HPF1: variants seen among roughly 807,000 people sequenced by gnomAD.
HPF1 encodes the protein histone PARylation factor 1.
Under a neutral mutation model 38.8 loss-of-function variants are expected in HPF1, and 35 were observed. The observed-to-expected ratio is 0.90, with a 90% CI of 0.69 to 1.19. The LOEUF is 1.19. Among genes scored for constraint, HPF1 ranks in the 50% most tolerant of loss-of-function variants. The probability of loss-of-function intolerance (pLI) is 0.00; values close to 1 mark genes in which losing one functional copy is unlikely to be tolerated. For missense variants in HPF1, 367 were observed against 405.8 expected, an observed-to-expected ratio of 0.90 and a Z score of 0.82; for synonymous variants, 115 against 139.2, an observed-to-expected ratio of 0.83 and a Z score of 1.22.
chr4:169,736,650 G>A (rs1416470723), intron 6 of HPF1, among the ~76,000 whole-genome samples: 1 of 152,204 alleles, frequency 6.6e-6, no homozygotes, highest in African/African-American at 2.4e-5. Flanking sequence ...CCAGAGACTG[G>A]TAACTACCAA....
chr4:169,742,608 A>T (rs10012711), intron 4 of HPF1, among the ~76,000 whole-genome samples: 38,643 of 151,926 alleles, frequency 0.25, 5,952 homozygotes, highest in African/African-American at 0.43. Flanking sequence ...CTGGCTAACA[A>T]GGTGAAACCC....
chr4:169,748,954 A>G (rs878862792), intron 3 of HPF1, 112 bp from the exon 4 acceptor site: 20 of 539,240 alleles, frequency 3.7e-5, no homozygotes, highest in Admixed American at 1.1e-4. Flanking sequence ...TCCTTTTTGG[A>G]GGCCTTTTTT....
intron 3 of HPF1, 118 bp downstream of exon 3, chr4:169,750,418 A>C (rs1734102127): frequency 2.9e-6 from 2 of 697,696 alleles, no homozygotes; most frequent in Admixed American, 2.7e-5. Context: ...CAGATGGCTC[A>C]TATATCCACC....
chr4:169,739,541 A>G (rs1387828079), intron 5 of HPF1, among the ~76,000 whole-genome samples: 2 of 152,144 alleles, frequency 1.3e-5, no homozygotes, highest in African/African-American at 4.8e-5. Flanking sequence ...AACTAAAAAG[A>G]CTAAAGAAAA....
chr4:169,731,677 T>TAG (rs1733830686), intron 7 of HPF1, 27 bp downstream of exon 7: 1 of 1,491,030 alleles, frequency 6.7e-7, no homozygotes, highest in Non-Finnish European at 8.9e-7. Flanking sequence ...TGGCAGTGGG[T>TAG]AGAAGGTGGA....
Position 169,753,738 on chromosome 4 carries a change from A to G in HPF1, c.146T>C (p.Leu49Ser). 1 of 1,613,262 alleles carries G rather than the reference A, an allele frequency of 6.2e-7. No individual in the cohort carries two copies. The highest frequency in any genetic ancestry group is 8.5e-7 in the Non-Finnish European group (1 of 1,179,620). ...CCAGAAGTGATAGAAATCTTCAGGT[A>G]AAGAAAGCTTATAATGATTTTCTAC... is the stretch of plus-strand genomic sequence containing the variant. The part of the protein sequence containing the change: ...KEVENHYKLS[L>S]PEDFYHFWKF... The change falls in exon 2 of 8, where the codon TTA becomes TCA. Residue 49 changes from leucine (L) to serine (S), a missense_variant. Transcript: ENST00000393381.
At chr4:169,741,772 G>GTTC (rs1733971701) in intron 5 of HPF1, among the ~76,000 whole-genome samples, 185 bp downstream of exon 5, 5 of 152,132 alleles carry the variant, frequency 3.3e-5, no homozygotes, top group Non-Finnish European at 7.3e-5. Flanking sequence ...CAACCCAAAG[G>GTTC]AGCCATCTGA....
At chr4:169,738,037 C>A (rs932464791) in intron 5 of HPF1, among the ~76,000 whole-genome samples, 2 of 152,114 alleles carry the variant, frequency 1.3e-5, no homozygotes, top group African/African-American at 4.8e-5. Flanking sequence ...CCCAATACAT[C>A]CTAGAAGGCA....
At chr4:169,757,357 T>G (rs186026119) in intron 1 of HPF1, among the ~76,000 whole-genome samples, 1 of 152,314 alleles carries the variant, frequency 6.6e-6, no homozygotes, top group East Asian at 1.9e-4. Flanking sequence ...ACTTGTTAAA[T>G]CCTCCTTCAG....
At chr4:169,748,703 G>T in intron 4 of HPF1, 41 bp downstream of exon 4, 2 of 967,914 alleles carry the variant, frequency 2.1e-6, no homozygotes, top group Non-Finnish European at 3.1e-6. Context: ...GACTAATGTA[G>T]TATAAACATT....
chr4:169,741,748 TTCAA>T (rs1436660317), intron 5 of HPF1, among the ~76,000 whole-genome samples: 6 of 152,112 alleles, frequency 3.9e-5, no homozygotes, highest in African/African-American at 4.8e-5. Context: ...AGTTGCGCAA[TTCAA>T]TCAGTGTACC....
intron 4 of HPF1, among the ~76,000 whole-genome samples, chr4:169,747,408 C>G (rs532383143): frequency 3.3e-5 from 5 of 152,202 alleles, no homozygotes; most frequent in African/African-American, 1.2e-4. Flanking sequence ...GTAGCATAGT[C>G]TAGTGGTTGT....
At chr4:169,730,146 C>T (rs1227492039) in intron 7 of HPF1, among the ~76,000 whole-genome samples, 2 of 152,218 alleles carry the variant, frequency 1.3e-5, no homozygotes, top group Non-Finnish European at 2.9e-5. Flanking sequence ...ATCCCCAACA[C>T]GTACCGCCTC....
At chr4:169,743,409 C>CTTTTTTT (rs34941625) in intron 4 of HPF1, among the ~76,000 whole-genome samples, 55 of 69,738 alleles carry the variant, frequency 7.9e-4, no homozygotes, top group African/African-American at 1.9e-3. Flanking sequence ...TGCCCCTGGC[C>CTTTTTTT]TTTTTTTTTT....
chr4:169,756,485 G>A (rs1734189671), intron 1 of HPF1, among the ~76,000 whole-genome samples: 1 of 152,170 alleles, frequency 6.6e-6, no homozygotes, highest in Non-Finnish European at 1.5e-5. Flanking sequence ...GGCTTAATCT[G>A]CCTTGCTGAA....
intron 1 of HPF1, among the ~76,000 whole-genome samples, chr4:169,757,459 G>A (rs1198503070): frequency 1.3e-5 from 2 of 152,116 alleles, no homozygotes; most frequent in Non-Finnish European, 2.9e-5. Context: ...CTCCTCCCCA[G>A]GCCGAGGGCT....
At chr4:169,756,589 G>A (rs1247987454) in intron 1 of HPF1, among the ~76,000 whole-genome samples, 5 of 152,152 alleles carry the variant, frequency 3.3e-5, no homozygotes, top group Admixed American at 3.3e-4. Context: ...TCTGTGCTTT[G>A]TTTTCTCATC....
chr4:169,736,297 G>A (rs1449122966), intron 6 of HPF1, among the ~76,000 whole-genome samples: 11 of 151,016 alleles, frequency 7.3e-5, no homozygotes, highest in African/African-American at 2.7e-4. Flanking sequence ...CTACTCGGGA[G>A]GCCGAGACAG....
rs1235050292 is a variant in HPF1 at position 169,746,884 on chromosome 4, T to A, written c.497+1860A>T. Reference sequence around the variant, plus strand: ...AAGTTATAAATATCACCCATGCATTTTTTTTTTCTTTTTCATTGTCTATGT... The same window carrying A: ...AAGTTATAAATATCACCCATGCATTATTTTTTTCTTTTTCATTGTCTATGT... On this transcript the variant is annotated intron_variant, in intron 4 of 7. Transcript: ENST00000393381. Among the ~76,000 whole-genome samples the A allele has an allele frequency of 2.6e-4, 40 of 151,190 alleles. 1 individual carries two copies. Among genetic ancestry groups the A allele is most frequent in the Admixed American group, 2.2e-3 (34 of 15,180 alleles).
Sources: gnomAD v4.1 joint callset for allele counts (sites outside exome capture counted in the v4.1 genomes callset) on GRCh38, gnomAD v4.1.1 for gene constraint, MANE v1.5 for transcripts, NCBI Gene and HGNC (gene_info 2026-07-23, HGNC 2026-07-21) for gene names.